The following CDH4 variants were observed in gnomAD, a reference collection of about 807,000 sequenced individuals.
The protein encoded by CDH4 is cadherin 4, also known as cadherin-4.
CDH4 carries 33 observed loss-of-function variants against 86.0 expected under a neutral mutation model. The ratio of observed to expected loss-of-function variants is 0.38; its 90% CI spans 0.29 to 0.51. The LOEUF is 0.51. CDH4 is among the 20% of genes least tolerant of loss of function. The probability of loss-of-function intolerance (pLI) is 0.86; values close to 1 mark genes in which losing one functional copy is unlikely to be tolerated. For missense variants in CDH4, 1,114 were observed against 1,307.4 expected, an observed-to-expected ratio of 0.85 and a Z score of 2.28; for synonymous variants, 555 against 549.4, an observed-to-expected ratio of 1.01 and a Z score of -0.14.
At chr20:61,533,202 G>A (rs2085968717) in intron 2 of CDH4, among the ~76,000 whole-genome samples, 1 of 152,216 alleles carries the variant, frequency 6.6e-6, no homozygotes, top group African/African-American at 2.4e-5. Flanking sequence ...CCAACCTCAA[G>A]GAGATGGAGG....
chr20:61,340,645 C>T (rs1480997127), intron 2 of CDH4, among the ~76,000 whole-genome samples: 1 of 151,102 alleles, frequency 6.6e-6, no homozygotes, highest in African/African-American at 2.4e-5. Context: ...AGTCCAGTGG[C>T]ATGATCACGG....
chr20:61,381,903 C>A (rs2084903371), intron 2 of CDH4, among the ~76,000 whole-genome samples: 1 of 150,370 alleles, frequency 6.7e-6, no homozygotes, highest in Non-Finnish European at 1.5e-5. Context: ...GGTGAAACCC[C>A]ATCTCTACTA....
intron 2 of CDH4, among the ~76,000 whole-genome samples, chr20:61,550,011 G>T (rs758510591): frequency 7.4e-4 from 113 of 152,196 alleles, no homozygotes; most frequent in Non-Finnish European, 6.6e-4. Context: ...ACTCACTGCA[G>T]CCCTGGCCTC....
intron 2 of CDH4, among the ~76,000 whole-genome samples, chr20:61,451,436 G>A (rs1395334650): frequency 6.6e-6 from 1 of 152,066 alleles, no homozygotes; most frequent in Non-Finnish European, 1.5e-5. Context: ...CTGCAAAATG[G>A]GTATAATAAT....
At chr20:61,555,952 A>G (rs749249853) in intron 2 of CDH4, among the ~76,000 whole-genome samples, 1 of 152,212 alleles carries the variant, frequency 6.6e-6, no homozygotes, top group Non-Finnish European at 1.5e-5. Context: ...TACATTAAAA[A>G]TGGTATTAAA....
Position 61,898,692 on chromosome 20 carries a change from C to T in CDH4, c.1188+3645C>T, listed in dbSNP as rs115871933. On this transcript the variant is annotated intron_variant, in intron 8 of 15. Coordinates refer to ENST00000614565, the MANE Select transcript of CDH4 (RefSeq NM_001794.5). ...TCCCTGCCTGCTGTGTAGCCAAGGC[C>T]GGAGAGCTGGACCTCTCTGAGCCGC... Among the ~76,000 whole-genome samples, 1,035 of 152,318 alleles carry T rather than the reference C, an allele frequency of 6.8e-3. 15 individuals are homozygous for T. The highest frequency in any genetic ancestry group is 0.024 in the African/African-American group (984 of 41,562).
At chr20:61,671,164 G>A (rs908760447) in intron 2 of CDH4, among the ~76,000 whole-genome samples, 7 of 151,576 alleles carry the variant, frequency 4.6e-5, no homozygotes, top group African/African-American at 7.3e-5. Context: ...GGGTGGATCC[G>A]TGGATGAATG....
intron 2 of CDH4, among the ~76,000 whole-genome samples, chr20:61,262,244 A>G (rs898536244): frequency 1.3e-5 from 2 of 152,126 alleles, no homozygotes; most frequent in African/African-American, 4.8e-5. Flanking sequence ...ATGCCGTGAG[A>G]GCTGGTCCTG....
chr20:61,563,930 C>T lies in CDH4; in HGVS notation c.170-179633C>T, dbSNP rs749895528. ...CCTGGATTACAACCTGCCTTCTTGG[C>T]GGCAAAACTCTGCTTTCTTCCATTG... On this transcript the variant is annotated intron_variant, in intron 2 of 15. Coordinates refer to ENST00000614565, the MANE Select transcript of CDH4 (RefSeq NM_001794.5). 8.5e-5 allele frequency among the ~76,000 whole-genome samples: 13 copies of T among 152,242 alleles called. No individual in the cohort carries two copies. In the South Asian group the frequency reaches 1.7e-3, roughly 19 times the overall value.
intron 2 of CDH4, among the ~76,000 whole-genome samples, chr20:61,330,631 G>A (rs2084567479): frequency 6.6e-6 from 1 of 152,210 alleles, no homozygotes; most frequent in African/African-American, 2.4e-5. Context: ...CCTGGTGCCT[G>A]CGGCTGGCTG....
At chr20:61,347,724 G>A (rs1021733519) in intron 2 of CDH4, among the ~76,000 whole-genome samples, 12 of 152,202 alleles carry the variant, frequency 7.9e-5, no homozygotes, top group Admixed American at 2.6e-4. Flanking sequence ...TGGTGTTTGC[G>A]AAGCGCCAAC....
At position 61,393,169 on chromosome 20, in the gene CDH4, G is replaced by A. The variant is rs2084996193; in HGVS notation, c.169+138232G>A. On this transcript the variant is annotated intron_variant, in intron 2 of 15. Coordinates refer to ENST00000614565, the MANE Select transcript of CDH4 (RefSeq NM_001794.5). The surrounding 1 kb of genome is among the most constrained non-coding windows in gnomAD (Gnocchi z 4.3). ...AGGGCCTTCATTTGGTTTATACAGAGCAGTCTTGGTGACATTGACAACACT... is the reference window on the plus strand; with the variant it reads ...AGGGCCTTCATTTGGTTTATACAGAACAGTCTTGGTGACATTGACAACACT... 6.6e-6 allele frequency among the ~76,000 whole-genome samples: 1 copy of A among 152,160 alleles called. No individual in the cohort carries two copies. Among genetic ancestry groups the A allele is most frequent in the Non-Finnish European group, 1.5e-5 (1 of 68,038 alleles).
chr20:61,761,702 G>A (rs1280183544), intron 3 of CDH4, among the ~76,000 whole-genome samples: 3 of 152,184 alleles, frequency 2.0e-5, no homozygotes, highest in Admixed American at 6.5e-5. Context: ...GTGCACAGAG[G>A]GGTGAGCGCG....
intron 4 of CDH4, among the ~76,000 whole-genome samples, chr20:61,817,189 C>A (rs1407228480): frequency 6.6e-6 from 1 of 152,254 alleles, no homozygotes; most frequent in African/African-American, 2.4e-5. Flanking sequence ...ATACCTGAGT[C>A]TGAACCCCAA....
intron 2 of CDH4, among the ~76,000 whole-genome samples, chr20:61,712,951 T>C (rs559679681): frequency 6.6e-6 from 1 of 152,212 alleles, no homozygotes; most frequent in East Asian, 1.9e-4. Flanking sequence ...AGACAAGCAG[T>C]AGAAACTTTG....
At chr20:61,334,946 G>A (rs2084609190) in intron 2 of CDH4, among the ~76,000 whole-genome samples, 1 of 152,208 alleles carries the variant, frequency 6.6e-6, no homozygotes, top group African/African-American at 2.4e-5. Context: ...CCAGGCTGCT[G>A]AGCCCCAGGC....
At chr20:61,620,208 A>G (rs966329820) in intron 2 of CDH4, among the ~76,000 whole-genome samples, 258 of 4,858 alleles carry the variant, frequency 0.053, no homozygotes, top group South Asian at 0.079. Context: ...ATGGATGGAC[A>G]GACAGGCAGG....
intron 2 of CDH4, among the ~76,000 whole-genome samples, chr20:61,263,257 CT>C (rs1051853841): frequency 6.6e-6 from 1 of 152,130 alleles, no homozygotes; most frequent in Non-Finnish European, 1.5e-5. Flanking sequence ...ATTTTGGTGC[CT>C]TTTTGCCCGG....
At position 61,377,292 on chromosome 20, in the gene CDH4, G is replaced by T. The variant is rs1052929857; in HGVS notation, c.169+122355G>T. ...TTGCACTTTGTCACAGCATCATTTA[G>T]GTGACACAGCCCGGGACTCCTGGGC... On this transcript the variant is annotated intron_variant, in intron 2 of 15. Transcript: ENST00000614565. This position sits in a 1 kb window ranked among gnomAD's most constrained non-coding sequence, Gnocchi z 4.0. 6.6e-6 allele frequency among the ~76,000 whole-genome samples: 1 copy of T among 152,186 alleles called. No homozygotes were observed. Among genetic ancestry groups the T allele is most frequent in the Non-Finnish European group, 1.5e-5 (1 of 68,036 alleles).
Sources: allele counts gnomAD v4.1 joint callset (sites outside exome capture counted in the v4.1 genomes callset), GRCh38; gene constraint gnomAD v4.1.1; non-coding constraint Gnocchi (gnomAD v3.1); transcripts MANE v1.5; gene names NCBI Gene and HGNC (gene_info 2026-07-23, HGNC 2026-07-21).